The following JARID2 variants were observed in gnomAD, a reference collection of about 807,000 sequenced individuals.
JARID2 encodes jumonji and AT-rich interaction domain containing 2.
Under a neutral mutation model 125.6 loss-of-function variants are expected in JARID2, and 21 were observed. The ratio of observed to expected loss-of-function variants is 0.17; its 90% CI spans 0.12 to 0.24. The LOEUF is 0.24. Ranked by LOEUF, JARID2 falls within the 10% of genes least tolerant of loss-of-function variation. The pLI, the probability that JARID2 is intolerant of heterozygous loss-of-function variation, is 1.00. For synonymous variants in JARID2, 736 were observed against 661.6 expected, an observed-to-expected ratio of 1.11 and a Z score of -1.73; for missense variants, 1,303 against 1,639.6, an observed-to-expected ratio of 0.79 and a Z score of 3.55.
chr6:15,269,945 CTGAG>C (rs763070167), intron 1 of JARID2, among the ~76,000 whole-genome samples: 99 of 152,220 alleles, frequency 6.5e-4, no homozygotes, highest in Non-Finnish European at 1.2e-3. Flanking sequence ...CATTTCTTTC[CTGAG>C]TAATTATATG....
chr6:15,427,277 C>T (rs1382643482), intron 3 of JARID2, among the ~76,000 whole-genome samples: 3 of 152,212 alleles, frequency 2.0e-5, no homozygotes, highest in Admixed American at 2.0e-4. Flanking sequence ...TTTGCATCCT[C>T]TGCAGGTTTA....
intron 3 of JARID2, among the ~76,000 whole-genome samples, chr6:15,442,918 A>G (rs1018101776): frequency 2.0e-5 from 3 of 152,168 alleles, no homozygotes; most frequent in Non-Finnish European, 4.4e-5. Context: ...ACTGCATATT[A>G]CTTTTCATAC....
chr6:15,457,349 T>C (rs1768233367), intron 4 of JARID2, among the ~76,000 whole-genome samples: 1 of 152,222 alleles, frequency 6.6e-6, no homozygotes, highest in Non-Finnish European at 1.5e-5. Flanking sequence ...TTCTTACACC[T>C]GCATCCTAAT....
intron 1 of JARID2, among the ~76,000 whole-genome samples, chr6:15,278,291 G>A (rs961013563): frequency 6.7e-6 from 1 of 149,928 alleles, no homozygotes; most frequent in Non-Finnish European, 1.5e-5. Flanking sequence ...AATTTCAATC[G>A]AAACACTGCA....
intron 1 of JARID2, among the ~76,000 whole-genome samples, chr6:15,289,882 C>A (rs758826125): frequency 6.6e-6 from 1 of 152,102 alleles, no homozygotes; most frequent in Non-Finnish European, 1.5e-5. Context: ...ATAATTGGGA[C>A]AAGAAGCACT....
intron 1 of JARID2, among the ~76,000 whole-genome samples, chr6:15,358,476 C>G (rs1763681747): frequency 6.6e-6 from 1 of 152,150 alleles, no homozygotes; most frequent in African/African-American, 2.4e-5. Context: ...ACCTCTGACT[C>G]AGAGATTCAG....
rs181435002 is a variant in JARID2, at chr6:15,385,378, T to C, written c.181+11126T>C. 2.6e-5 allele frequency among the ~76,000 whole-genome samples: 4 copies of C among 152,236 alleles called. No individual in the cohort carries two copies. The East Asian group carries it at 5.8e-4, about 22-fold the overall frequency. On this transcript the variant is annotated intron_variant, in intron 2 of 17. Transcript: ENST00000341776. Reference sequence around the variant, plus strand: ...ACCTGCCTCTGTTACTCCTTAGCGCTTTACCTTATGAAGTCTGTCTGCACA... The same window carrying C: ...ACCTGCCTCTGTTACTCCTTAGCGCCTTACCTTATGAAGTCTGTCTGCACA...
chr6:15,258,076 ATTG>A (rs1231452020), intron 1 of JARID2, among the ~76,000 whole-genome samples: 1 of 152,172 alleles, frequency 6.6e-6, no homozygotes. Flanking sequence ...CCCCAATCAC[ATTG>A]TTTTCATATG....
chr6:15,312,970 C>T (rs1336367658), intron 1 of JARID2, among the ~76,000 whole-genome samples: 2 of 152,202 alleles, frequency 1.3e-5, no homozygotes, highest in Non-Finnish European at 2.9e-5. Context: ...GACGAAAACA[C>T]TGGCGTTCAG....
intron 1 of JARID2, among the ~76,000 whole-genome samples, chr6:15,345,130 A>G (rs961426359): frequency 1.3e-5 from 2 of 152,042 alleles, no homozygotes; most frequent in African/African-American, 4.8e-5. Flanking sequence ...CTTCTAGTAT[A>G]GTTTCTTCAT....
At chr6:15,367,578 A>T (rs555242483) in intron 1 of JARID2, among the ~76,000 whole-genome samples, 2 of 152,288 alleles carry the variant, frequency 1.3e-5, no homozygotes, top group East Asian at 3.9e-4. Context: ...TTACTTCCTG[A>T]TCTGATATCT....
chr6:15,504,243 G>T (rs1770886473), intron 8 of JARID2, among the ~76,000 whole-genome samples: 1 of 152,240 alleles, frequency 6.6e-6, no homozygotes, highest in East Asian at 1.9e-4. Context: ...GGGCCTCTGG[G>T]CGGCAGCCTC....
intron 4 of JARID2, among the ~76,000 whole-genome samples, chr6:15,465,757 A>G (rs966234879): frequency 6.6e-6 from 1 of 151,498 alleles, no homozygotes; most frequent in African/African-American, 2.4e-5. Context: ...GAATATTTTT[A>G]TTGGATCTTA....
chr6:15,420,159 C>G (rs940480597), intron 3 of JARID2, among the ~76,000 whole-genome samples: 2 of 152,220 alleles, frequency 1.3e-5, no homozygotes, highest in African/African-American at 4.8e-5. Context: ...AATCCTAGCA[C>G]TTCGGGAGGC....
chr6:15,467,064 G>T (rs1046929485), intron 4 of JARID2, among the ~76,000 whole-genome samples: 1 of 152,168 alleles, frequency 6.6e-6, no homozygotes, highest in Non-Finnish European at 1.5e-5. Flanking sequence ...CACATAATTT[G>T]GGGGGTTTTT....
chr6:15,320,860 G>C (rs2127440373), intron 1 of JARID2, among the ~76,000 whole-genome samples: 1 of 151,398 alleles, frequency 6.6e-6, no homozygotes, highest in Non-Finnish European at 1.5e-5. Flanking sequence ...CTCTGTGTGT[G>C]TGTGTGTGTG....
At chr6:15,411,936 T>C (rs1404397097) in intron 3 of JARID2, among the ~76,000 whole-genome samples, 3 of 152,216 alleles carry the variant, frequency 2.0e-5, no homozygotes, top group Non-Finnish European at 4.4e-5. Context: ...TAACTCACTG[T>C]GATTCTCTCA....
chr6:15,453,500 G>A (rs1224861339), intron 4 of JARID2, among the ~76,000 whole-genome samples: 1 of 152,202 alleles, frequency 6.6e-6, no homozygotes. Flanking sequence ...TTCCACACTC[G>A]TGTTCATGCT....
At chr6:15,392,898 T>C (rs1185311618) in intron 2 of JARID2, among the ~76,000 whole-genome samples, 1 of 152,144 alleles carries the variant, frequency 6.6e-6, no homozygotes, top group Non-Finnish European at 1.5e-5. Context: ...TTGGCCAGAC[T>C]GGTCTCGAAC....
Sources: allele counts gnomAD v4.1 joint callset (sites outside exome capture counted in the v4.1 genomes callset), GRCh38; gene constraint gnomAD v4.1.1; transcripts MANE v1.5; gene names NCBI Gene and HGNC (gene_info 2026-07-23, HGNC 2026-07-21).